The following RNF213 variants were observed in gnomAD, a reference collection of about 807,000 sequenced individuals.
RNF213 encodes E3 ubiquitin-protein ligase RNF213.
A neutral mutation model predicts 514.4 loss-of-function variants in RNF213; 341 were observed. That is an observed-to-expected ratio of 0.66 (90% confidence interval 0.61 to 0.73). The LOEUF (loss-of-function observed/expected upper bound fraction) is 0.73, where lower values mean the gene tolerates loss of function less well. Among genes scored for constraint, RNF213 ranks in the 30% least tolerant of loss-of-function variants. RNF213 has a pLI of 0.00. For synonymous variants in RNF213, 2,655 were observed against 2,658.2 expected (o/e 1.00, Z 0.04); for missense variants, 5,767 against 6,615.6 (o/e 0.87, Z 4.45).
intron 2 of RNF213, among the ~76,000 whole-genome samples, chr17:80,266,199 T>G (rs1352688153): frequency 6.7e-6 from 1 of 150,084 alleles, no homozygotes; most frequent in Non-Finnish European, 1.5e-5. Context: ...CCCAGCACTT[T>G]GGGAGGCCGA....
chr17:80,379,162 C>T (rs1356075150), intron 54 of RNF213, among the ~76,000 whole-genome samples: 1 of 152,106 alleles, frequency 6.6e-6, no homozygotes, highest in Non-Finnish European at 1.5e-5. Flanking sequence ...CACTGCACTC[C>T]AGCCTGGAGG....
intron 40 of RNF213, 136 bp from the exon 41 acceptor site, chr17:80,363,473 G>A (rs2079130075): frequency 1.3e-5 from 16 of 1,217,762 alleles, no homozygotes; most frequent in East Asian, 2.4e-5. Context: ...TCTCGCTGAC[G>A]CTTCTCACAT....
chr17:80,396,188 G>C lies in RNF213; in HGVS notation c.*2690G>C, dbSNP rs1450970415. On this transcript the variant is annotated 3_prime_UTR_variant, in exon 68 of 68. Transcript: ENST00000582970. Reference sequence around the variant, plus strand: ...GAGGTATGAGGATTGCTTGAGCCTGGGAGTTTGAGGCTGCAGTGAGCTATG... The same window carrying C: ...GAGGTATGAGGATTGCTTGAGCCTGCGAGTTTGAGGCTGCAGTGAGCTATG... 2.0e-5 allele frequency: 3 copies of C among 152,126 alleles called. No homozygotes were observed. The highest frequency in any genetic ancestry group is 1.3e-4 in the Admixed American group (2 of 15,264). 9.4% of individuals were successfully genotyped at this position (152,126 alleles called of 1,614,324 possible).
At position 80,294,909 on chromosome 17, in the gene RNF213, C is replaced by T. The variant is rs766831703; in HGVS notation, c.1661C>T (p.Thr554Ile). 1.9e-6 allele frequency: 3 copies of T among 1,614,202 alleles called. No individual in the cohort carries two copies. Among genetic ancestry groups the T allele is most frequent in the South Asian group, 2.2e-5 (2 of 91,084 alleles). The change falls in exon 9 of 68, where the codon ACC (threonine) becomes ATC (isoleucine). Residue 554 changes from threonine to isoleucine, a missense_variant. By Grantham distance (89) the Thr-to-Ile change is moderately conservative. This residue lies in a region of RNF213 where 592 missense variants were observed against 673.9 expected (regional missense o/e 0.88). Transcript: ENST00000582970. ...WDTINLNSFF[T>I]QFEQFCFVLQ... ...ACCATCAACCTGAACAGCTTCTTCA[C>T]CCAGTTCGAGCAGTTTTGCTTTGTC...
rs769157689 is a variant in RNF213 at position 80,325,052 on chromosome 17, G to T, written c.3047G>T (p.Gly1016Val). The T allele has an allele frequency of 2.0e-6, 3 of 1,537,068 alleles. No homozygotes were observed. Among genetic ancestry groups the T allele is most frequent in the Non-Finnish European group, 2.6e-6 (3 of 1,146,866 alleles). The change falls in exon 18 of 68, where the codon GGG becomes GTG. Residue 1016 changes from glycine (G) to valine (V), a missense_variant. Gly to Val is a moderately radical substitution (Grantham distance 109). Transcript: ENST00000582970. ...TAGTCTCAGACCAGTATCCTTCAGG[G>T]GTTCTCTTACTCTGATTTGCGGAAA... ...ACQSQTSILQ[G>V]FSYSDLRKFG...
Position 80,353,909 on chromosome 17 carries a change from G to A in RNF213, c.10579-110G>A, listed in dbSNP as rs34269699. ...CGTCTCTTCTTTGTCCGTGAGGACC[G>A]CCGCCCTGTGCTGTTTGCTGCATTG... On this transcript the variant is annotated intron_variant, in intron 34 of 67. Coordinates refer to ENST00000582970, the MANE Select transcript of RNF213 (RefSeq NM_001256071.3). This position sits in a 1 kb window ranked among gnomAD's most constrained non-coding sequence, Gnocchi z 5.0. The A allele has an allele frequency of 0.092, 130,967 of 1,430,378 alleles. 6,779 individuals carry two copies. Among genetic ancestry groups the A allele is most frequent in the Non-Finnish European group, 0.11 (112,052 of 1,030,464 alleles). 88.6% of individuals were successfully genotyped at this position (1,430,378 alleles called of 1,614,324 possible).
At chr17:80,373,345 C>T (rs1453936059) in intron 49 of RNF213, among the ~76,000 whole-genome samples, 180 bp downstream of exon 49, 4 of 149,772 alleles carry the variant, frequency 2.7e-5, no homozygotes, top group Non-Finnish European at 5.9e-5. Flanking sequence ...CTCACCCTCA[C>T]ACCCAGGGAT....
In RNF213 at chr17:80,354,485, A is replaced by C; in HGVS notation, c.10771A>C (p.Lys3591Gln). Residue 3591 changes from lysine to glutamine, a missense_variant, in exon 36 of 68, where the codon AAG (lysine) becomes CAG (glutamine). Lys to Gln is a moderately conservative substitution (Grantham distance 53). Coordinates refer to ENST00000582970, the MANE Select transcript of RNF213 (RefSeq NM_001256071.3). Reference protein sequence around the residue: ...VSKMRLSVFLKKQEESQFHPL... With the variant: ...VSKMRLSVFLQKQEESQFHPL... ...CAAGATGCGCCTCAGTGTCTTTTTA[A>C]AGAAGCAAGAAGAGAGCCAGTTTCA... is the stretch of plus-strand genomic sequence containing the variant. The C allele has an allele frequency of 6.2e-7, 1 of 1,614,196 alleles. No homozygotes were observed. The highest frequency in any genetic ancestry group is 2.2e-5 in the East Asian group (1 of 44,878).
intron 9 of RNF213, 55 bp downstream of exon 9, chr17:80,295,058 T>C: frequency 6.2e-7 from 1 of 1,600,408 alleles, no homozygotes; most frequent in Non-Finnish European, 8.6e-7. Context: ...ACACCTGACC[T>C]GCTAGTGGCC....
rs146238297 is a variant in RNF213, at chr17:80,363,301, C to A, written c.11555C>A (p.Ala3852Asp). ...GAAGCCCGTTGGAACCATGAGCTGG[C>A]TGGATGTGAGATGGTATGGCCCTCC... ...LMEARWNHEL[A>D]GCEMTLDAFA... Residue 3852 changes from alanine (A) to aspartate (D), a missense_variant, in exon 40 of 68, where the codon GCT becomes GAT. Ala to Asp is a moderately radical substitution (Grantham distance 126). Transcript: ENST00000582970. The A allele has an allele frequency of 6.2e-7, 1 of 1,613,866 alleles. No homozygotes were observed.
chr17:80,363,865 T>C, intron 41 of RNF213, 75 bp downstream of exon 41: 5 of 1,438,646 alleles, frequency 3.5e-6, no homozygotes, highest in Non-Finnish European at 4.8e-6. Context: ...GCCAGGCATG[T>C]CCATGAGAAG....
In RNF213 at chr17:80,273,248, G is replaced by C; in HGVS notation, c.105G>C (p.Glu35Asp). 2 of 1,613,590 alleles carry C rather than the reference G, an allele frequency of 1.2e-6. No homozygotes were observed. Among genetic ancestry groups the C allele is most frequent in the Non-Finnish European group, 1.7e-6 (2 of 1,179,964 alleles). ...CTTCATCTGCCGTTACAGATTCTGA[G>C]AACAATAACTCCACAATGGCGTCGG... ...LPPAAPIADS[E>D]NNNSTMASAS... is the part of the protein sequence containing the mutation. The change falls in exon 3 of 68, where the codon GAG becomes GAC. Residue 35 changes from glutamate to aspartate, a missense_variant. Transcript: ENST00000582970.
chr17:80,387,944 A>C (rs2080304615), intron 63 of RNF213, among the ~76,000 whole-genome samples: 1 of 145,350 alleles, frequency 6.9e-6, no homozygotes, highest in Admixed American at 7.0e-5. Flanking sequence ...GAACTGTGAG[A>C]GCCCATGGAT....
chr17:80,354,727 A>G (rs1568120683), intron 36 of RNF213, 151 bp downstream of exon 36: 2 of 945,294 alleles, frequency 2.1e-6, no homozygotes, highest in Non-Finnish European at 3.3e-6. Flanking sequence ...TTTTTCCCCA[A>G]GAAGCACACA....
chr17:80,285,962 C>T (rs1411913826), intron 3 of RNF213, among the ~76,000 whole-genome samples: 1 of 152,060 alleles, frequency 6.6e-6, no homozygotes, highest in African/African-American at 2.4e-5. Context: ...AGGCCTGAGC[C>T]ACCGCACCTG....
At chr17:80,355,550 T>G (rs1599107127) in intron 36 of RNF213, among the ~76,000 whole-genome samples, 1 of 65,606 alleles carries the variant, frequency 1.5e-5, no homozygotes, top group African/African-American at 4.9e-5. Context: ...TGGACGGGAA[T>G]GGGGGCTTAT....
At chr17:80,289,980 C>A in intron 6 of RNF213, 143 bp downstream of exon 6, 1 of 917,626 alleles carries the variant, frequency 1.1e-6, no homozygotes. Flanking sequence ...AAAAGGGGAC[C>A]ACTTAGGAGG....
chr17:80,285,970 C>G (rs1172541662), intron 3 of RNF213, among the ~76,000 whole-genome samples: 1 of 152,130 alleles, frequency 6.6e-6, no homozygotes, highest in Non-Finnish European at 1.5e-5. Flanking sequence ...GCCACCGCAC[C>G]TGACCTATTG....
intron 59 of RNF213, among the ~76,000 whole-genome samples, chr17:80,384,247 C>T (rs1380524084): frequency 2.0e-5 from 3 of 152,164 alleles, no homozygotes; most frequent in South Asian, 2.1e-4. Flanking sequence ...CTTTCCCAGC[C>T]GCTCTGTTCC....
Sources: allele counts gnomAD v4.1 joint callset (sites outside exome capture counted in the v4.1 genomes callset), GRCh38; gene constraint gnomAD v4.1.1; regional missense constraint gnomAD v4.1.1; non-coding constraint Gnocchi (gnomAD v3.1); transcripts MANE v1.5; gene names NCBI Gene and HGNC (gene_info 2026-07-23, HGNC 2026-07-21).